The following MTRES1 variants were observed in gnomAD, a reference collection of about 807,000 sequenced individuals.
The protein encoded by MTRES1 is mitochondrial transcription rescue factor 1.
Under a neutral mutation model 17.4 loss-of-function variants are expected in MTRES1, and 11 were observed. The ratio of observed to expected loss-of-function variants is 0.63; its 90% CI spans 0.40 to 1.05. MTRES1 has a LOEUF of 1.05. MTRES1 is among the 50% of genes least tolerant of loss of function. The pLI is 0.00. For synonymous variants in MTRES1, 94 were observed against 99.6 expected (o/e 0.94, Z 0.34); for missense variants, 268 against 276.2 (o/e 0.97, Z 0.21).
In MTRES1 at chr6:107,040,165, G is replaced by A. The variant is rs782793793; in HGVS notation, c.405G>A (p.Leu135=). 2 of 1,611,088 alleles carry A rather than the reference G, an allele frequency of 1.2e-6. No individual in the cohort carries two copies. The highest frequency in any genetic ancestry group is 8.5e-7 in the Non-Finnish European group (1 of 1,179,412). ...CTGTAGTCAAAAACTATAAAGACCT[G>A]GAAAAAGCAGTTCAGTCTTTTCGGT... The part of the protein sequence containing the change: ...DPTVVKNYKD[L]EKAVQSFRYD... Residue 135 remains leucine, a synonymous_variant, in exon 2 of 4, where the codon CTG becomes CTA. Transcript: ENST00000311381.
Position 107,040,154 on chromosome 6 carries a change from T to C in MTRES1, c.394T>C (p.Tyr132His), listed in dbSNP as rs782743863. 5 of 1,613,052 alleles carry C rather than the reference T, an allele frequency of 3.1e-6. No homozygotes were observed. The highest frequency in any genetic ancestry group is 1.7e-5 in the Admixed American group (1 of 59,800). ...GGATGATCCTACTGTAGTCAAAAAC[T>C]ATAAAGACCTGGAAAAAGCAGTTCA... is the stretch of plus-strand genomic sequence containing the variant. ...LEDDPTVVKN[Y>H]KDLEKAVQSF... Residue 132 changes from tyrosine to histidine, a missense_variant, in exon 2 of 4, where the codon TAT becomes CAT. Physicochemically the swap from Tyr to His is moderately conservative, Grantham distance 83. Transcript: ENST00000311381.
chr6:107,041,353 A>G (rs1554227754), intron 2 of MTRES1, among the ~76,000 whole-genome samples: 1 of 103,664 alleles, frequency 9.6e-6, no homozygotes, highest in Non-Finnish European at 2.2e-5. Context: ...TAAAATGAAG[A>G]TGACAGAACC....
At chr6:107,042,731 G>A (rs1774260855) in intron 2 of MTRES1, among the ~76,000 whole-genome samples, 1 of 152,126 alleles carries the variant, frequency 6.6e-6, no homozygotes, top group African/African-American at 2.4e-5. Context: ...AGGTGTCTGA[G>A]GGGAAGGAAG....
At chr6:107,031,385 CAA>C (rs782379041) in intron 1 of MTRES1, among the ~76,000 whole-genome samples, 4 of 97,616 alleles carry the variant, frequency 4.1e-5, no homozygotes, top group Non-Finnish European at 7.4e-5. Context: ...GACCCTGTCT[CAA>C]AAAAAAAAAA....
chr6:107,048,712 G>A (rs373264979), intron 3 of MTRES1, among the ~76,000 whole-genome samples: 8 of 149,388 alleles, frequency 5.4e-5, no homozygotes, highest in East Asian at 4.0e-4. Flanking sequence ...ACTGGGAGGT[G>A]GAGGTTGCAG....
intron 1 of MTRES1, among the ~76,000 whole-genome samples, chr6:107,031,895 C>G (rs1773857549): frequency 6.6e-6 from 1 of 152,108 alleles, no homozygotes; most frequent in African/African-American, 2.4e-5. Flanking sequence ...GCCACCGTGT[C>G]CGGCCAGCAG....
intron 3 of MTRES1, among the ~76,000 whole-genome samples, chr6:107,044,691 C>A (rs1774333136): frequency 6.6e-6 from 1 of 152,166 alleles, no homozygotes; most frequent in Admixed American, 6.6e-5. Flanking sequence ...TGTTCTTTGG[C>A]CAGTGGTATC....
chr6:107,042,532 G>C (rs185718914), intron 2 of MTRES1, among the ~76,000 whole-genome samples: 2 of 151,976 alleles, frequency 1.3e-5, no homozygotes, highest in African/African-American at 4.8e-5. Flanking sequence ...CCTGGAATCA[G>C]ATATCAAAAA....
At chr6:107,041,651 G>A (rs797025989) in intron 2 of MTRES1, among the ~76,000 whole-genome samples, 14 of 152,000 alleles carry the variant, frequency 9.2e-5, no homozygotes, top group African/African-American at 3.1e-4. Context: ...TCAGCCTCCC[G>A]AGTAGTTGGG....
chr6:107,049,746 A>G (rs1582622070), intron 3 of MTRES1, among the ~76,000 whole-genome samples: 4 of 112,402 alleles, frequency 3.6e-5, no homozygotes, highest in African/African-American at 7.0e-5. Flanking sequence ...TTTGAGACAG[A>G]GCTTTGCTCT....
rs1003134594 is a variant in MTRES1 at position 107,039,790 on chromosome 6, C to T, written c.30C>T (p.Ala10=). 23 of 1,607,972 alleles carry T rather than the reference C, an allele frequency of 1.4e-5. No individual in the cohort carries two copies. Among genetic ancestry groups the T allele is most frequent in the Non-Finnish European group, 1.7e-5 (20 of 1,178,662 alleles). ...CTATGGCTAGTGTTAAATTGCTTGC[C>T]GGTGTTTTAAGAAAGCCAGATGCCT... MAMASVKLL[A]GVLRKPDAWI... Residue 10 remains alanine (A), a synonymous_variant, in exon 2 of 4, where the codon GCC becomes GCT. Coordinates refer to ENST00000311381, the MANE Select transcript of MTRES1 (RefSeq NM_016487.5).
chr6:107,037,433 ACTC>A (rs1458323830), intron 1 of MTRES1, among the ~76,000 whole-genome samples: 3 of 151,490 alleles, frequency 2.0e-5, no homozygotes, highest in Non-Finnish European at 4.4e-5. Context: ...CTGGTCTTGA[ACTC>A]CTCACCTCAA....
intron 1 of MTRES1, among the ~76,000 whole-genome samples, chr6:107,036,614 C>G (rs1212014026): frequency 6.6e-6 from 1 of 152,066 alleles, no homozygotes; most frequent in Non-Finnish European, 1.5e-5. Flanking sequence ...GAGGCCGACG[C>G]AGGCAGATCA....
At chr6:107,033,289 A>T (rs782071518) in intron 1 of MTRES1, among the ~76,000 whole-genome samples, 1 of 152,094 alleles carries the variant, frequency 6.6e-6, no homozygotes, top group Non-Finnish European at 1.5e-5. Flanking sequence ...GGAAAAGGGC[A>T]TGTGGGGCAT....
chr6:107,051,458 G>A lies in MTRES1; in HGVS notation c.*222G>A. On this transcript the variant is annotated 3_prime_UTR_variant, in exon 4 of 4. Coordinates refer to ENST00000311381, the MANE Select transcript of MTRES1 (RefSeq NM_016487.5). ...ATGCTCCTTTGACCTCCTCGTGTGA[G>A]AACCCCTTTGCCAGAGTGAGACGTG... 2.2e-6 allele frequency: 1 copy of A among 463,784 alleles called. No individual in the cohort carries two copies. Among genetic ancestry groups the A allele is most frequent in the Non-Finnish European group, 3.9e-6 (1 of 258,770 alleles). 28.7% of individuals were successfully genotyped at this position (463,784 alleles called of 1,614,324 possible).
intron 3 of MTRES1, among the ~76,000 whole-genome samples, chr6:107,049,724 T>C (rs1159711740): frequency 2.0e-4 from 29 of 145,740 alleles, no homozygotes; most frequent in Non-Finnish European, 3.9e-4. Context: ...GCCCTTCTTT[T>C]TTTTTTTTTT....
chr6:107,044,758 G>A (rs6937626), intron 3 of MTRES1, among the ~76,000 whole-genome samples: 4,139 of 152,266 alleles, frequency 0.027, 216 homozygotes, highest in African/African-American at 0.096. Flanking sequence ...CTTGCTGGAT[G>A]CACGGCTTTG....
rs183503090 is a variant in MTRES1 at position 107,034,785 on chromosome 6, C to A, written c.-12-4964C>A. On this transcript the variant is annotated intron_variant, in intron 1 of 3. Coordinates refer to ENST00000311381, the MANE Select transcript of MTRES1 (RefSeq NM_016487.5). ...GGCAGATCACCTGAGGTCGGGAGTT[C>A]AAGACCAGCCTGACCAACATGGAGA... 8.9e-4 allele frequency among the ~76,000 whole-genome samples: 136 copies of A among 152,216 alleles called. 1 individual carries two copies. In the East Asian group the frequency reaches 0.023, roughly 26 times the overall value.
intron 2 of MTRES1, among the ~76,000 whole-genome samples, chr6:107,041,768 T>A (rs1166980442): frequency 3.9e-5 from 6 of 152,020 alleles, no homozygotes; most frequent in Non-Finnish European, 8.8e-5. Flanking sequence ...GACCTCGTGA[T>A]CCACCCACCT....
Sources: gnomAD v4.1 joint callset for allele counts (sites outside exome capture counted in the v4.1 genomes callset) on GRCh38, gnomAD v4.1.1 for gene constraint, MANE v1.5 for transcripts, NCBI Gene and HGNC (gene_info 2026-07-23, HGNC 2026-07-21) for gene names.